TRIML2: variants seen among roughly 807,000 people sequenced by gnomAD.
TRIML2 encodes the protein probable E3 ubiquitin-protein ligase TRIML2.
In TRIML2, 28 loss-of-function variants were observed where a neutral mutation model predicts 31.2. The observed-to-expected ratio is 0.90, with a 90% CI of 0.66 to 1.23. TRIML2 has a LOEUF of 1.23. Ranked by LOEUF, TRIML2 falls within the 50% of genes most tolerant of loss-of-function variation. The probability of loss-of-function intolerance (pLI) is 0.00; values close to 1 mark genes in which losing one functional copy is unlikely to be tolerated. For missense variants in TRIML2, 536 were observed against 528.3 expected (o/e 1.01, Z -0.14); for synonymous variants, 187 against 197.5 (o/e 0.95, Z 0.45).
In TRIML2 at chr4:188,099,185, C is replaced by T. The variant is rs768800870; in HGVS notation, c.481-10G>A. 17 of 1,587,448 alleles carry T rather than the reference C, an allele frequency of 1.1e-5. No homozygotes were observed. In the Admixed American group the frequency reaches 2.0e-4, roughly 19 times the overall value. On this transcript the variant is annotated splice_polypyrimidine_tract_variant and intron_variant, in intron 4 of 7. Transcript: ENST00000682553. ...CCACACGGCCCAGTCTCTGCAGAAG[C>T]ATTTCTTCGTTACTATTCAACAACC...
intron 5 of TRIML2, 63 bp downstream of exon 5, chr4:188,098,972 C>G: frequency 6.4e-6 from 10 of 1,566,238 alleles, no homozygotes; most frequent in Admixed American, 1.7e-5. Context: ...CTAATGAGTA[C>G]TGTCCACTTC....
chr4:188,100,046 T>C (rs1296300923), intron 4 of TRIML2, among the ~76,000 whole-genome samples: 1 of 152,218 alleles, frequency 6.6e-6, no homozygotes, highest in Non-Finnish European at 1.5e-5. Flanking sequence ...CAACTTACTT[T>C]ATTCTTGGAG....
intron 3 of TRIML2, among the ~76,000 whole-genome samples, chr4:188,103,247 G>T (rs1052746785): frequency 6.6e-6 from 1 of 151,886 alleles, no homozygotes; most frequent in African/African-American, 2.4e-5. Context: ...TGATCCGCCC[G>T]CCTCGGCCTC....
intron 3 of TRIML2, among the ~76,000 whole-genome samples, chr4:188,103,275 C>T (rs1733884638): frequency 6.6e-6 from 1 of 152,150 alleles, no homozygotes; most frequent in Non-Finnish European, 1.5e-5. Context: ...GCTGGGATTA[C>T]AGGCATGAGC....
rs532964086 is a variant in TRIML2, at chr4:188,093,485, C to T, written c.746-1544G>A. 4.0e-5 allele frequency among the ~76,000 whole-genome samples: 6 copies of T among 151,828 alleles called. No homozygotes were observed. The South Asian group carries it at 1.0e-3, about 26-fold the overall frequency. On this transcript the variant is annotated intron_variant, in intron 7 of 7. Transcript: ENST00000682553. ...GGCCAGGACTTTGAGACCAGCCTGGCGAAACCCCATCTCTACTAAAATTAC... is the reference window on the plus strand; with the variant it reads ...GGCCAGGACTTTGAGACCAGCCTGGTGAAACCCCATCTCTACTAAAATTAC...
chr4:188,099,008 T>C, intron 5 of TRIML2, 27 bp downstream of exon 5: 1 of 1,613,280 alleles, frequency 6.2e-7, no homozygotes, highest in Non-Finnish European at 8.5e-7. Context: ...TGGAATGAAT[T>C]TTATTTTCTT....
chr4:188,108,794 T>C (rs898716377), intron 1 of TRIML2, among the ~76,000 whole-genome samples: 4 of 152,202 alleles, frequency 2.6e-5, no homozygotes, highest in African/African-American at 9.6e-5. Flanking sequence ...TTTCCATCAC[T>C]ACTCAATTTG....
intron 4 of TRIML2, 94 bp from the exon 5 acceptor site, chr4:188,099,269 T>G: frequency 2.7e-6 from 4 of 1,473,972 alleles, no homozygotes; most frequent in Non-Finnish European, 3.6e-6. Flanking sequence ...ACCATGTTTT[T>G]AAAAACCTGC....
At chr4:188,102,068 T>C (rs1442324263) in intron 3 of TRIML2, among the ~76,000 whole-genome samples, 1 of 149,150 alleles carries the variant, frequency 6.7e-6, no homozygotes, top group Non-Finnish European at 1.5e-5. Context: ...AGGTGGAGCT[T>C]GCAGTGAGCC....
intron 7 of TRIML2, 95 bp downstream of exon 7, chr4:188,096,966 A>T: frequency 1.0e-6 from 1 of 989,746 alleles, no homozygotes; most frequent in Non-Finnish European, 1.6e-6. Flanking sequence ...TAAAATTGTT[A>T]AACTACTGGA....
At chr4:188,101,624 G>A (rs185069016) in intron 3 of TRIML2, among the ~76,000 whole-genome samples, 2 of 152,068 alleles carry the variant, frequency 1.3e-5, no homozygotes, top group Non-Finnish European at 2.9e-5. Context: ...AACCTGGGAG[G>A]TGGAGGTTGC....
chr4:188,102,849 C>CAAAA (rs566736942), intron 3 of TRIML2, among the ~76,000 whole-genome samples: 17 of 83,374 alleles, frequency 2.0e-4, no homozygotes, highest in Non-Finnish European at 2.3e-4. Flanking sequence ...AACTTCATCT[C>CAAAA]AAAAAAAAAA....
Position 188,098,749 on chromosome 4 carries a change from T to C in TRIML2, c.621+286A>G, listed in dbSNP as rs576211908. 5 of 366,492 alleles carry C rather than the reference T, an allele frequency of 1.4e-5. No individual in the cohort carries two copies. The East Asian group carries it at 2.2e-4, about 16-fold the overall frequency. The allele number at this position is 366,492 out of a possible 1,614,324, so 22.7% of individuals were successfully genotyped here. On this transcript the variant is annotated intron_variant, in intron 5 of 7. Coordinates refer to ENST00000682553, the MANE Select transcript of TRIML2 (RefSeq NM_173553.4). Reference sequence around the variant, plus strand: ...TGTTTTATTCTTTATGATCACAGAATATTTCATTGCATGGAGGTATTAACC... The same window carrying C: ...TGTTTTATTCTTTATGATCACAGAACATTTCATTGCATGGAGGTATTAACC...
rs143959315 is a variant in TRIML2, at chr4:188,091,496, A to G, written c.1191T>C (p.His397=). The change falls in exon 8 of 8, where the codon CAT becomes CAC. Residue 397 remains histidine (H), a synonymous_variant. Coordinates refer to ENST00000682553, the MANE Select transcript of TRIML2 (RefSeq NM_173553.4). The stretch of plus-strand genomic sequence containing the variant: ...GCCTGAGAGCTCCTTGGAAGGCGCA[A>G]TGGGAGAAATTGTAAATGAGGGACA... The part of the protein sequence containing the change: ...TEMSLIYNFS[H]CAFQGALRPV... 1.1e-5 allele frequency: 18 copies of G among 1,614,074 alleles called. No homozygotes were observed. The highest frequency in any genetic ancestry group is 1.4e-5 in the Non-Finnish European group (17 of 1,180,048).
chr4:188,097,274 T>C, intron 6 of TRIML2, 50 bp downstream of exon 6: 2 of 1,608,536 alleles, frequency 1.2e-6, no homozygotes, highest in South Asian at 2.2e-5. Context: ...TCAATCAACA[T>C]CTTACTGGAC....
At chr4:188,092,153 A>G (rs1245355567) in intron 7 of TRIML2, among the ~76,000 whole-genome samples, 8 of 152,100 alleles carry the variant, frequency 5.3e-5, no homozygotes, top group Non-Finnish European at 1.2e-4. Context: ...GGAAAGGGAC[A>G]CAGTCTACCT....
At chr4:188,093,440 G>A (rs757789283) in intron 7 of TRIML2, among the ~76,000 whole-genome samples, 3 of 152,062 alleles carry the variant, frequency 2.0e-5, no homozygotes, top group South Asian at 2.1e-4. Flanking sequence ...TTAGGAGGCC[G>A]AGGAGGACGG....
chr4:188,093,485 C>A (rs532964086), intron 7 of TRIML2, among the ~76,000 whole-genome samples: 1 of 151,710 alleles, frequency 6.6e-6, no homozygotes, highest in Non-Finnish European at 1.5e-5. Context: ...ACCAGCCTGG[C>A]GAAACCCCAT....
chr4:188,091,314 CAA>C lies in TRIML2; in HGVS notation c.*57_*58del. On this transcript the variant is annotated 3_prime_UTR_variant, in exon 8 of 8. Coordinates refer to ENST00000682553, the MANE Select transcript of TRIML2 (RefSeq NM_173553.4). Reference sequence around the variant, plus strand: ...TTGGGTTAGTTTACACAAATTCTTTCAAAGTCTTGTTCTCCAACTTTCTGGTG... The same window carrying C: ...TTGGGTTAGTTTACACAAATTCTTTCAGTCTTGTTCTCCAACTTTCTGGTG... The C allele has an allele frequency of 1.3e-6, 2 of 1,514,244 alleles. No individual in the cohort carries two copies. Among genetic ancestry groups the C allele is most frequent in the African/African-American group, 1.4e-5 (1 of 71,736 alleles). 93.8% of individuals were successfully genotyped at this position (1,514,244 alleles called of 1,614,324 possible).
Sources: gnomAD v4.1 joint callset for allele counts (sites outside exome capture counted in the v4.1 genomes callset) on GRCh38, gnomAD v4.1.1 for gene constraint, MANE v1.5 for transcripts, NCBI Gene and HGNC (gene_info 2026-07-23, HGNC 2026-07-21) for gene names.